The following STMP1 variants were observed in gnomAD, a reference collection of about 807,000 sequenced individuals.
STMP1 encodes the protein mitolamban.
STMP1 carries 7 observed loss-of-function variants against 7.0 expected under a neutral mutation model. The observed-to-expected ratio is 1.01, with a 90% CI of 0.57 to 1.89. The LOEUF is 1.89. Ranked by LOEUF, STMP1 falls within the 40% of genes most tolerant of loss-of-function variation. The pLI is 0.00. For synonymous variants in STMP1, 19 were observed against 18.4 expected, an observed-to-expected ratio of 1.03 and a Z score of -0.08; for missense variants, 45 against 53.0, an observed-to-expected ratio of 0.85 and a Z score of 0.47.
intron 1 of STMP1, among the ~76,000 whole-genome samples, chr7:135,664,900 A>G (rs1795276785): frequency 6.6e-6 from 1 of 152,244 alleles, no homozygotes; most frequent in South Asian, 2.1e-4. Flanking sequence ...ATTAAACTTC[A>G]GAGTCAGACT....
In STMP1 at chr7:135,668,130, G is replaced by A. The variant is rs559340915; in HGVS notation, c.16-4623G>A. Among the ~76,000 whole-genome samples, 3 of 152,064 alleles carry A rather than the reference G, an allele frequency of 2.0e-5. No homozygotes were observed. The South Asian group carries it at 6.2e-4, about 32-fold the overall frequency. On this transcript the variant is annotated intron_variant, in intron 1 of 2. Transcript: ENST00000507606. ...AAATCACTTGACCATAAGCCTTTAT[G>A]GTGTATTCCTGGGCTCTCCACTTTA... is the stretch of plus-strand genomic sequence containing the variant.
intron 2 of STMP1, 26 bp downstream of exon 2, chr7:135,672,832 T>G: frequency 5.2e-6 from 8 of 1,536,616 alleles, no homozygotes; most frequent in Non-Finnish European, 6.2e-6. Context: ...CATGACTTCC[T>G]TGATTCCATG....
intron 1 of STMP1, among the ~76,000 whole-genome samples, chr7:135,663,991 C>T (rs1795265808): frequency 1.3e-5 from 2 of 152,228 alleles, no homozygotes; most frequent in Non-Finnish European, 1.5e-5. Context: ...AAATGCACCC[C>T]TTTTGTCCTT....
At chr7:135,663,604 A>G (rs1795259940) in intron 1 of STMP1, among the ~76,000 whole-genome samples, 1 of 152,132 alleles carries the variant, frequency 6.6e-6, no homozygotes, top group Non-Finnish European at 1.5e-5. Context: ...TCAGCCTACG[A>G]AAGTGCTGGG....
chr7:135,673,744 G>A (rs906616043), intron 2 of STMP1, among the ~76,000 whole-genome samples: 1 of 152,200 alleles, frequency 6.6e-6, no homozygotes, highest in Non-Finnish European at 1.5e-5. Context: ...TTCGAGACCA[G>A]CCTGGGCAGT....
At chr7:135,668,842 C>T (rs10240427) in intron 1 of STMP1, among the ~76,000 whole-genome samples, 48,040 of 152,200 alleles carry the variant, frequency 0.32, 7,988 homozygotes, top group Middle Eastern at 0.51. Flanking sequence ...ATTCCCATCT[C>T]GTGCCTTGAT....
intron 1 of STMP1, among the ~76,000 whole-genome samples, chr7:135,669,818 A>T (rs1171140939): frequency 6.6e-6 from 1 of 152,266 alleles, no homozygotes. Flanking sequence ...TGTGATAATG[A>T]CATAAATAGG....
chr7:135,667,621 T>C (rs1272899117), intron 1 of STMP1, among the ~76,000 whole-genome samples: 1 of 152,248 alleles, frequency 6.6e-6, no homozygotes, highest in East Asian at 1.9e-4. Context: ...ATATTTTATC[T>C]CATTCTGTGT....
intron 1 of STMP1, 111 bp downstream of exon 1, chr7:135,662,705 G>A: frequency 7.7e-7 from 1 of 1,304,278 alleles, no homozygotes; most frequent in Middle Eastern, 1.9e-4. Context: ...TGGGTCCAGC[G>A]GTCCCTTCGT....
rs1795395075 is a variant in STMP1, at chr7:135,674,898, A to C, written c.*733A>C. The C allele has an allele frequency of 6.6e-6, 1 of 152,184 alleles. No individual in the cohort carries two copies. The highest frequency in any genetic ancestry group is 1.5e-5 in the Non-Finnish European group (1 of 68,030). The allele number at this position is 152,184 out of a possible 1,614,324, so 9.4% of individuals were successfully genotyped here. ...GAATCATACTTGGGATTACAGGTAC[A>C]TTTGATGTTATATGATGGATAAGTG... is the stretch of plus-strand genomic sequence containing the variant. On this transcript the variant is annotated 3_prime_UTR_variant, in exon 3 of 3. Coordinates refer to ENST00000507606, the MANE Select transcript of STMP1 (RefSeq NM_001130929.2).
chr7:135,663,621 GGC>G (rs1225530688), intron 1 of STMP1, among the ~76,000 whole-genome samples: 1 of 151,982 alleles, frequency 6.6e-6, no homozygotes, highest in African/African-American at 2.4e-5. Flanking sequence ...TGGGATTACA[GGC>G]GTGAGCCACT....
chr7:135,666,945 A>G (rs1252847197), intron 1 of STMP1, among the ~76,000 whole-genome samples: 1 of 152,072 alleles, frequency 6.6e-6, no homozygotes, highest in African/African-American at 2.4e-5. Flanking sequence ...GAACTTTTGG[A>G]CTGTTTTCCA....
At chr7:135,665,058 A>G (rs891555334) in intron 1 of STMP1, among the ~76,000 whole-genome samples, 1 of 152,230 alleles carries the variant, frequency 6.6e-6, no homozygotes, top group African/African-American at 2.4e-5. Context: ...TTAACACATT[A>G]AAGAACTTAA....
At chr7:135,671,802 C>A (rs1252673711) in intron 1 of STMP1, among the ~76,000 whole-genome samples, 1 of 152,090 alleles carries the variant, frequency 6.6e-6, no homozygotes, top group Non-Finnish European at 1.5e-5. Flanking sequence ...TTTCTGTAAT[C>A]ACATATTTTA....
chr7:135,667,692 G>A (rs1474148888), intron 1 of STMP1, among the ~76,000 whole-genome samples: 1 of 151,446 alleles, frequency 6.6e-6, no homozygotes, highest in Non-Finnish European at 1.5e-5. Flanking sequence ...ATTTTGATGA[G>A]GTCCAATTTT....
chr7:135,669,746 G>A (rs1795338129), intron 1 of STMP1, among the ~76,000 whole-genome samples: 1 of 152,148 alleles, frequency 6.6e-6, no homozygotes, highest in Non-Finnish European at 1.5e-5. Context: ...GGAGGTCTAA[G>A]GCAGGATCCT....
At chr7:135,670,581 T>C (rs1795347135) in intron 1 of STMP1, among the ~76,000 whole-genome samples, 1 of 152,232 alleles carries the variant, frequency 6.6e-6, no homozygotes, top group Non-Finnish European at 1.5e-5. Flanking sequence ...ACATTTCTCT[T>C]AGTGATATTT....
chr7:135,665,632 G>A (rs935530606), intron 1 of STMP1: 8 of 147,682 alleles, frequency 5.4e-5, no homozygotes, highest in African/African-American at 1.5e-4. Context: ...TTTGTGTGTC[G>A]TCTTTGCGCA....
chr7:135,666,787 A>G (rs1795299055), intron 1 of STMP1, among the ~76,000 whole-genome samples: 1 of 152,158 alleles, frequency 6.6e-6, no homozygotes, highest in South Asian at 2.1e-4. Context: ...GACATTCAAG[A>G]TGTTTCCACT....
Sources: allele counts gnomAD v4.1 joint callset (sites outside exome capture counted in the v4.1 genomes callset), GRCh38; gene constraint gnomAD v4.1.1; transcripts MANE v1.5; gene names NCBI Gene and HGNC (gene_info 2026-07-23, HGNC 2026-07-21).